The following NPAS3 variants were observed in gnomAD, a reference collection of about 807,000 sequenced individuals.
NPAS3 encodes the protein neuronal PAS domain protein 3, also known as neuronal PAS domain-containing protein 3.
Under a neutral mutation model 73.1 loss-of-function variants are expected in NPAS3, and 14 were observed. That is an observed-to-expected ratio of 0.19 (90% confidence interval 0.13 to 0.30). NPAS3 has a LOEUF of 0.30. NPAS3 is among the 10% of genes least tolerant of loss of function. NPAS3 has a pLI of 1.00. For synonymous variants in NPAS3, 620 were observed against 541.5 expected, an observed-to-expected ratio of 1.14 and a Z score of -2.01; for missense variants, 1,096 against 1,250.0, an observed-to-expected ratio of 0.88 and a Z score of 1.86.
chr14:33,546,306 G>T (rs982591122), intron 4 of NPAS3, among the ~76,000 whole-genome samples: 1 of 152,210 alleles, frequency 6.6e-6, no homozygotes, highest in East Asian at 1.9e-4. Context: ...GGTGAGAAGA[G>T]TCCTAATATT....
chr14:33,209,941 A>T (rs2139647002), intron 2 of NPAS3, among the ~76,000 whole-genome samples: 1 of 152,256 alleles, frequency 6.6e-6, no homozygotes, highest in Admixed American at 6.5e-5. Context: ...CAGTATCTGA[A>T]CCTCCTTCAT....
At chr14:33,434,813 T>A (rs2048920160) in intron 4 of NPAS3, among the ~76,000 whole-genome samples, 1 of 152,202 alleles carries the variant, frequency 6.6e-6, no homozygotes, top group African/African-American at 2.4e-5. Context: ...GAACGGATCA[T>A]TCACTCTTCT....
At chr14:33,229,414 A>G (rs10129337) in intron 3 of NPAS3, among the ~76,000 whole-genome samples, 50,517 of 152,096 alleles carry the variant, frequency 0.33, 8,646 homozygotes, top group East Asian at 0.51. Flanking sequence ...GCTATCATCC[A>G]GGGAGCCGGG....
rs72264623 is a variant in NPAS3, at chr14:33,147,725, T to TAAAAAAAA, written c.141-67451_141-67450insAAAAAAAA. Among the ~76,000 whole-genome samples, 38 of 91,644 alleles carry TAAAAAAAA rather than the reference T, an allele frequency of 4.1e-4. 1 individual carries two copies. The highest frequency in any genetic ancestry group is 5.9e-4 in the African/African-American group (12 of 20,444). 60.1% of individuals were successfully genotyped at this position (91,644 alleles called of 152,430 possible). A position where few individuals can be genotyped will look rare whatever the true frequency, so the allele number is the denominator to read the frequency against. On this transcript the variant is annotated intron_variant, in intron 2 of 11. Transcript: ENST00000356141. ...ATGTACCCTAGAACTTAAAGTAGAA[T>TAAAAAAAA]AAAAAATATATATATATATATATAT...
chr14:32,960,991 C>A (rs1344809541), intron 1 of NPAS3, among the ~76,000 whole-genome samples: 1 of 152,200 alleles, frequency 6.6e-6, no homozygotes, highest in African/African-American at 2.4e-5. Flanking sequence ...AATTTCATGG[C>A]AGCTCTTGAA....
intron 1 of NPAS3, among the ~76,000 whole-genome samples, chr14:32,957,661 C>T (rs950256342): frequency 5.3e-5 from 8 of 152,132 alleles, no homozygotes; most frequent in South Asian, 2.1e-4. Flanking sequence ...CTTGAGCCAC[C>T]GCACCCGGCC....
chr14:33,113,846 A>G (rs2042975948), intron 2 of NPAS3, among the ~76,000 whole-genome samples: 2 of 152,298 alleles, frequency 1.3e-5, no homozygotes, highest in African/African-American at 4.8e-5. Context: ...CGTCCCATCA[A>G]TACCTAATTT....
rs74558025 is a variant in NPAS3 at position 33,220,898 on chromosome 14, T to C, written c.385+5472T>C. Among the ~76,000 whole-genome samples the C allele has an allele frequency of 4.9e-3, 740 of 152,346 alleles. 2 individuals are homozygous for C. The highest frequency in any genetic ancestry group is 7.0e-3 in the Non-Finnish European group (478 of 68,026). On this transcript the variant is annotated intron_variant, in intron 3 of 11. Transcript: ENST00000356141. ...TCCAGACAGTGACTTGAAGAAAGCA[T>C]ATTTTTGAGAGTGATGGCTGAGAAT...
chr14:32,951,426 A>G (rs1245605380), intron 1 of NPAS3, among the ~76,000 whole-genome samples: 3 of 152,130 alleles, frequency 2.0e-5, no homozygotes, highest in African/African-American at 4.8e-5. Context: ...AGGATGTTAA[A>G]TATTTTTCTT....
chr14:33,799,513 G>T (rs1030528697), intron 11 of NPAS3, among the ~76,000 whole-genome samples: 3 of 152,146 alleles, frequency 2.0e-5, no homozygotes, highest in Admixed American at 1.3e-4. Context: ...CTGCTGGCCC[G>T]CACTTTGAGT....
intron 2 of NPAS3, among the ~76,000 whole-genome samples, chr14:33,173,977 AACAG>A (rs1209832680): frequency 6.6e-6 from 1 of 152,218 alleles, no homozygotes; most frequent in South Asian, 2.1e-4. Flanking sequence ...AGAACAAAAA[AACAG>A]ACAGACTTTC....
At chr14:33,285,902 A>T (rs1190440807) in intron 3 of NPAS3, among the ~76,000 whole-genome samples, 1 of 152,064 alleles carries the variant, frequency 6.6e-6, no homozygotes, top group Non-Finnish European at 1.5e-5. Context: ...GTAAGACTGA[A>T]TTTGTTGCAC....
At chr14:33,450,225 T>A (rs1029746116) in intron 4 of NPAS3, among the ~76,000 whole-genome samples, 2 of 152,266 alleles carry the variant, frequency 1.3e-5, no homozygotes, top group Non-Finnish European at 2.9e-5. Flanking sequence ...TGCTAAAGCA[T>A]CTAACGTGAT....
chr14:33,361,720 T>G (rs1040066988), intron 3 of NPAS3, among the ~76,000 whole-genome samples: 2 of 152,226 alleles, frequency 1.3e-5, no homozygotes, highest in Admixed American at 1.3e-4. Context: ...ATTGGTGATA[T>G]AACATGTTAG....
chr14:33,044,769 T>A (rs1013451848), intron 1 of NPAS3, among the ~76,000 whole-genome samples: 8 of 151,626 alleles, frequency 5.3e-5, no homozygotes, highest in Admixed American at 2.0e-4. Flanking sequence ...GAAGGGTACA[T>A]GCGCCTTGGG....
intron 4 of NPAS3, among the ~76,000 whole-genome samples, chr14:33,504,368 TG>T (rs1483508324): frequency 6.6e-6 from 1 of 151,990 alleles, no homozygotes; most frequent in Non-Finnish European, 1.5e-5. Flanking sequence ...GAATATGTAA[TG>T]CGTTTACAAA....
chr14:33,453,369 T>C (rs2049887954), intron 4 of NPAS3, among the ~76,000 whole-genome samples: 1 of 152,176 alleles, frequency 6.6e-6, no homozygotes, highest in African/African-American at 2.4e-5. Flanking sequence ...AATTATACTG[T>C]ATGATTTAGG....
chr14:33,114,079 G>A (rs542882045), intron 2 of NPAS3, among the ~76,000 whole-genome samples: 6 of 151,950 alleles, frequency 3.9e-5, no homozygotes, highest in Admixed American at 6.6e-5. Flanking sequence ...TCTATTGGCC[G>A]GGCTGGAGTG....
chr14:33,685,881 C>G (rs2060074890), intron 6 of NPAS3, among the ~76,000 whole-genome samples: 2 of 152,066 alleles, frequency 1.3e-5, no homozygotes, highest in African/African-American at 4.8e-5. Context: ...AGACACTGGA[C>G]CCAGGGTTTG....
Sources: allele counts gnomAD v4.1 joint callset (sites outside exome capture counted in the v4.1 genomes callset), GRCh38; gene constraint gnomAD v4.1.1; transcripts MANE v1.5; gene names NCBI Gene and HGNC (gene_info 2026-07-23, HGNC 2026-07-21).